The following NNMT variants were observed in gnomAD, a reference collection of about 807,000 sequenced individuals.
NNMT encodes the protein nicotinamide N-methyltransferase.
NNMT carries 10 observed loss-of-function variants against 11.7 expected under a neutral mutation model. That is an observed-to-expected ratio of 0.85 (90% CI 0.53 to 1.45). The LOEUF is 1.45. Among genes scored for constraint, NNMT ranks in the 40% most tolerant of loss-of-function variants. The pLI, the probability that NNMT is intolerant of heterozygous loss-of-function variation, is 0.00. For synonymous variants in NNMT, 143 were observed against 133.8 expected, an observed-to-expected ratio of 1.07 and a Z score of -0.48; for missense variants, 381 against 319.4, an observed-to-expected ratio of 1.19 and a Z score of -1.47.
At chr11:114,267,743 C>T (rs1347067555) in intron 2 of NNMT, among the ~76,000 whole-genome samples, 1 of 152,002 alleles carries the variant, frequency 6.6e-6, no homozygotes, top group Non-Finnish European at 1.5e-5. Context: ...AAAGAAAATC[C>T]CAGACATCGT....
At chr11:114,304,222 C>T (rs190852682) in intron 2 of NNMT, among the ~76,000 whole-genome samples, 11 of 152,142 alleles carry the variant, frequency 7.2e-5, no homozygotes, top group African/African-American at 2.4e-4. Flanking sequence ...GACAACACAC[C>T]TTGCCAAAGT....
intron 2 of NNMT, among the ~76,000 whole-genome samples, chr11:114,281,011 A>G (rs1945257905): frequency 6.6e-6 from 1 of 152,186 alleles, no homozygotes; most frequent in Admixed American, 6.5e-5. Flanking sequence ...CCTCCACCAC[A>G]GAAGCTGAGG....
At chr11:114,263,056 A>C (rs1945095737) in intron 2 of NNMT, 1 of 152,154 alleles carries the variant, frequency 6.6e-6, no homozygotes, top group Non-Finnish European at 1.5e-5. Context: ...TTACTCTCAG[A>C]AATCTGTCGA....
At chr11:114,305,021 A>C (rs1299577891) in intron 2 of NNMT, among the ~76,000 whole-genome samples, 1 of 152,248 alleles carries the variant, frequency 6.6e-6, no homozygotes, top group East Asian at 1.9e-4. Context: ...GGAACTTGGA[A>C]TGCATAGCTT....
At chr11:114,289,094 G>T (rs564466629) in intron 2 of NNMT, among the ~76,000 whole-genome samples, 1 of 152,246 alleles carries the variant, frequency 6.6e-6, no homozygotes, top group South Asian at 2.1e-4. Context: ...ATTCTTTAAT[G>T]GTTATAAGGC....
At chr11:114,265,779 G>A (rs1164284972) in intron 2 of NNMT, among the ~76,000 whole-genome samples, 2 of 152,050 alleles carry the variant, frequency 1.3e-5, no homozygotes, top group Non-Finnish European at 2.9e-5. Flanking sequence ...GATTTCTTAC[G>A]CCAGTAACCC....
intron 2 of NNMT, among the ~76,000 whole-genome samples, chr11:114,279,032 G>A (rs1346270939): frequency 1.3e-5 from 2 of 152,164 alleles, no homozygotes; most frequent in African/African-American, 4.8e-5. Flanking sequence ...CAGGACGAGG[G>A]TGTGTGTCCT....
At chr11:114,279,785 C>T (rs957023578) in intron 2 of NNMT, among the ~76,000 whole-genome samples, 3 of 152,150 alleles carry the variant, frequency 2.0e-5, no homozygotes, top group Non-Finnish European at 4.4e-5. Context: ...TTTTTGCCCT[C>T]GCTGGGCTTG....
chr11:114,288,548 A>G (rs57389311), intron 2 of NNMT, among the ~76,000 whole-genome samples: 3,697 of 151,774 alleles, frequency 0.024, 143 homozygotes, highest in African/African-American at 0.085. Flanking sequence ...ATCACTTTGT[A>G]TTCCTGGGAA....
intron 2 of NNMT, among the ~76,000 whole-genome samples, chr11:114,265,843 T>G (rs1458538569): frequency 6.6e-6 from 1 of 152,142 alleles, no homozygotes; most frequent in East Asian, 1.9e-4. Flanking sequence ...CTGTTATTAT[T>G]ATTATTATTA....
intron 2 of NNMT, among the ~76,000 whole-genome samples, chr11:114,269,253 T>G (rs1173059551): frequency 1.3e-5 from 2 of 152,208 alleles, no homozygotes; most frequent in East Asian, 3.8e-4. Context: ...CTCTTCTATC[T>G]TTCTTACCCA....
chr11:114,311,500 C>T (rs1406909341), intron 2 of NNMT, among the ~76,000 whole-genome samples: 4 of 152,160 alleles, frequency 2.6e-5, no homozygotes, highest in Admixed American at 2.6e-4. Context: ...CAGGAGTGCC[C>T]TGTTCACAGC....
intron 2 of NNMT, among the ~76,000 whole-genome samples, chr11:114,306,868 CA>C: frequency 6.6e-6 from 1 of 152,302 alleles, no homozygotes; most frequent in South Asian, 2.1e-4. Context: ...GCTCTCTGTG[CA>C]AAGACCTCCA....
chr11:114,283,868 G>A (rs766193932), intron 2 of NNMT, among the ~76,000 whole-genome samples: 1 of 152,080 alleles, frequency 6.6e-6, no homozygotes, highest in African/African-American at 2.4e-5. Context: ...AACATAAAAC[G>A]ATTTGCTTTT....
At chr11:114,309,140 A>T (rs553155720) in intron 2 of NNMT, among the ~76,000 whole-genome samples, 57 of 152,214 alleles carry the variant, frequency 3.7e-4, no homozygotes, top group African/African-American at 1.3e-3. Context: ...TCACTACTCT[A>T]CCTTTTGATA....
chr11:114,290,429 T>C (rs1242692426), intron 2 of NNMT, among the ~76,000 whole-genome samples: 1 of 152,242 alleles, frequency 6.6e-6, no homozygotes, highest in Admixed American at 6.5e-5. Context: ...ACTTTGATTA[T>C]ATTATTTTGT....
Position 114,296,608 on chromosome 11 carries a change from C to T in NNMT, c.52C>T (p.Arg18Trp), listed in dbSNP as rs141072720. 1.2e-5 allele frequency: 20 copies of T among 1,614,042 alleles called. No individual in the cohort carries two copies. In the Admixed American group the frequency reaches 2.3e-4, roughly 19 times the overall value. ...KDTYLSHFNPRDYLEKYYKFG... is the reference protein window; with the variant it reads ...KDTYLSHFNPWDYLEKYYKFG... ...CACCTATCTAAGCCATTTTAACCCTCGGGATTACCTAGAAAAATATTACAA... is the reference window on the plus strand; with the variant it reads ...CACCTATCTAAGCCATTTTAACCCTTGGGATTACCTAGAAAAATATTACAA... Residue 18 changes from arginine (R) to tryptophan (W), a missense_variant, in exon 1 of 3, where the codon CGG (arginine) becomes TGG (tryptophan). Coordinates refer to ENST00000299964, the MANE Select transcript of NNMT (RefSeq NM_006169.3).
At chr11:114,301,457 C>G (rs1028705025) in intron 2 of NNMT, among the ~76,000 whole-genome samples, 4 of 152,118 alleles carry the variant, frequency 2.6e-5, no homozygotes, top group Non-Finnish European at 4.4e-5. Flanking sequence ...AATGAGCTAT[C>G]AAGCCACGAA....
rs116915249 is a variant in NNMT, at chr11:114,259,840, C to T, written c.-217+1962C>T. 4.9e-3 allele frequency among the ~76,000 whole-genome samples: 747 copies of T among 152,316 alleles called. 6 individuals are homozygous for T. The highest frequency in any genetic ancestry group is 0.015 in the African/African-American group (631 of 41,568). Reference sequence around the variant, plus strand: ...ACTGACTACATTAATAGCAAAGCCACGCTGCGTTCAGCCGCTCCCAACTGT... The same window carrying T: ...ACTGACTACATTAATAGCAAAGCCATGCTGCGTTCAGCCGCTCCCAACTGT... On this transcript the variant is annotated intron_variant, in intron 1 of 4. Coordinates refer to the NNMT transcript ENST00000535401.
Sources: allele counts gnomAD v4.1 joint callset (sites outside exome capture counted in the v4.1 genomes callset), GRCh38; gene constraint gnomAD v4.1.1; transcripts MANE v1.5; gene names NCBI Gene and HGNC (gene_info 2026-07-23, HGNC 2026-07-21).